RAB2A: variants seen among roughly 807,000 people sequenced by gnomAD.
The protein encoded by RAB2A is RAB2A, member RAS oncogene family, also known as ras-related protein Rab-2A.
In RAB2A, 7 loss-of-function variants were observed where a neutral mutation model predicts 32.5. The observed-to-expected ratio is 0.22, with a 90% CI of 0.12 to 0.40. RAB2A has a LOEUF of 0.40. Ranked by LOEUF, RAB2A falls within the 10% of genes least tolerant of loss-of-function variation. The pLI is 1.00. For synonymous variants in RAB2A, 79 were observed against 85.2 expected (o/e 0.93, Z 0.40); for missense variants, 108 against 260.7 (o/e 0.41, Z 4.03).
intron 1 of RAB2A, among the ~76,000 whole-genome samples, chr8:60,558,004 C>A (rs1807964535): frequency 6.6e-6 from 1 of 152,206 alleles, no homozygotes; most frequent in Non-Finnish European, 1.5e-5. Flanking sequence ...GCTCTGTACA[C>A]AGGAACCATG....
chr8:60,559,664 AGAATC>A (rs1807991407), intron 2 of RAB2A, among the ~76,000 whole-genome samples: 1 of 152,248 alleles, frequency 6.6e-6, no homozygotes, highest in Non-Finnish European at 1.5e-5. Context: ...TGAAAGCTGA[AGAATC>A]TAGCTGGATT....
At chr8:60,585,078 TGTAAA>T (rs1432728436) in intron 5 of RAB2A, among the ~76,000 whole-genome samples, 2 of 152,230 alleles carry the variant, frequency 1.3e-5, no homozygotes, top group African/African-American at 4.8e-5. Flanking sequence ...AGATTACTGA[TGTAAA>T]GTAAAGCCTA....
intron 6 of RAB2A, among the ~76,000 whole-genome samples, chr8:60,613,811 T>G (rs550311512): frequency 2.0e-5 from 3 of 152,358 alleles, no homozygotes; most frequent in Admixed American, 6.5e-5. Context: ...TTAGTATATA[T>G]TGATTATTAT....
intron 3 of RAB2A, among the ~76,000 whole-genome samples, chr8:60,578,190 A>G (rs1803674678): frequency 6.6e-6 from 1 of 152,178 alleles, no homozygotes. Flanking sequence ...TCCAGGTAAC[A>G]TATTTGAGTG....
At chr8:60,545,929 AT>A (rs1215355770) in intron 1 of RAB2A, among the ~76,000 whole-genome samples, 3 of 152,250 alleles carry the variant, frequency 2.0e-5, no homozygotes, top group Admixed American at 6.5e-5. Context: ...TTCATTAAAT[AT>A]TTCATGAATA....
chr8:60,528,832 C>T (rs1052798209), intron 1 of RAB2A, among the ~76,000 whole-genome samples: 2 of 152,104 alleles, frequency 1.3e-5, no homozygotes, highest in African/African-American at 4.8e-5. Flanking sequence ...GCCTCAGCCC[C>T]CCGAAAGTGC....
intron 3 of RAB2A, among the ~76,000 whole-genome samples, chr8:60,580,024 T>C (rs961086024): frequency 6.7e-6 from 1 of 149,338 alleles, no homozygotes. Context: ...TTTGAGACAG[T>C]CTCACTCTGT....
At chr8:60,520,700 C>G (rs1186961891) in intron 1 of RAB2A, among the ~76,000 whole-genome samples, 3 of 152,214 alleles carry the variant, frequency 2.0e-5, no homozygotes, top group Non-Finnish European at 4.4e-5. Context: ...TGGTCCCCTC[C>G]TCTCTTCCCT....
intron 5 of RAB2A, among the ~76,000 whole-genome samples, chr8:60,588,323 C>CT (rs1184252462): frequency 6.6e-6 from 1 of 152,128 alleles, no homozygotes; most frequent in Non-Finnish European, 1.5e-5. Context: ...TTCCTAGCCA[C>CT]TTTACTCCCA....
At chr8:60,593,742 A>C (rs1233304953) in intron 6 of RAB2A, among the ~76,000 whole-genome samples, 1 of 152,182 alleles carries the variant, frequency 6.6e-6, no homozygotes, top group Non-Finnish European at 1.5e-5. Flanking sequence ...AAAAAAAGAT[A>C]ATAGGTGCCA....
chr8:60,558,984 C>G (rs1301177032), intron 2 of RAB2A, 61 bp downstream of exon 2: 1 of 1,225,788 alleles, frequency 8.2e-7, no homozygotes, highest in Non-Finnish European at 1.2e-6. Flanking sequence ...ATGGAAAATG[C>G]TAGAAGGTCC....
intron 3 of RAB2A, among the ~76,000 whole-genome samples, chr8:60,576,076 T>G (rs1803616391): frequency 6.6e-6 from 1 of 152,242 alleles, no homozygotes; most frequent in Non-Finnish European, 1.5e-5. Flanking sequence ...AGATACTCCT[T>G]GGAGGCATGA....
chr8:60,560,287 C>T (rs1018582074), intron 2 of RAB2A, among the ~76,000 whole-genome samples: 11 of 152,246 alleles, frequency 7.2e-5, no homozygotes, highest in African/African-American at 2.4e-4. Context: ...CAGTGTTTTG[C>T]CTTGTTGCCC....
intron 3 of RAB2A, 127 bp downstream of exon 3, chr8:60,572,240 A>C (rs11987024): frequency 0.028 from 18,089 of 636,886 alleles, 1,835 homozygotes; most frequent in African/African-American, 0.25. Flanking sequence ...TGCAGCCATG[A>C]GATGAAATGT....
chr8:60,563,088 GAC>G (rs1319857055), intron 2 of RAB2A, among the ~76,000 whole-genome samples: 3 of 152,080 alleles, frequency 2.0e-5, no homozygotes, highest in African/African-American at 7.2e-5. Context: ...TAAGTAGTAA[GAC>G]AGTATCTTGA....
At chr8:60,607,720 A>G (rs761948354) in intron 6 of RAB2A, among the ~76,000 whole-genome samples, 9 of 152,180 alleles carry the variant, frequency 5.9e-5, no homozygotes, top group Non-Finnish European at 1.3e-4. Flanking sequence ...ACTAATGTAG[A>G]TACTGCTGAT....
rs529282671 is a variant in RAB2A, at chr8:60,604,180, C to T, written c.474+12211C>T. Among the ~76,000 whole-genome samples, 80 of 152,298 alleles carry T rather than the reference C, an allele frequency of 5.3e-4. 2 individuals are homozygous for T. In the South Asian group the frequency reaches 0.014, roughly 26 times the overall value. On this transcript the variant is annotated intron_variant, in intron 6 of 7. Coordinates refer to ENST00000262646, the MANE Select transcript of RAB2A (RefSeq NM_002865.3). ...CCTGCTGTGGTCACGTGAAGTGCCT[C>T]GCTCCCCCTTTGCCTTGTGCCATGA... is the stretch of plus-strand genomic sequence containing the variant.
intron 3 of RAB2A, among the ~76,000 whole-genome samples, chr8:60,577,426 C>T (rs60504642): frequency 0.077 from 11,643 of 152,096 alleles, 1,356 homozygotes; most frequent in African/African-American, 0.25. Flanking sequence ...TATTTCCACC[C>T]ATTGTTACTT....
intron 6 of RAB2A, among the ~76,000 whole-genome samples, chr8:60,606,409 C>G (rs964339007): frequency 6.6e-6 from 1 of 152,176 alleles, no homozygotes; most frequent in Non-Finnish European, 1.5e-5. Context: ...ATATTGGTAC[C>G]CAGATCCTTT....
Sources: allele counts gnomAD v4.1 joint callset (sites outside exome capture counted in the v4.1 genomes callset), GRCh38; gene constraint gnomAD v4.1.1; transcripts MANE v1.5; gene names NCBI Gene and HGNC (gene_info 2026-07-23, HGNC 2026-07-21).